The following FAM91A1 variants were observed in gnomAD, a reference collection of about 807,000 sequenced individuals.
FAM91A1 encodes protein FAM91A1.
Under a neutral mutation model 113.5 loss-of-function variants are expected in FAM91A1, and 41 were observed. That is an observed-to-expected ratio of 0.36 (90% CI 0.28 to 0.47). The LOEUF is 0.47. Ranked by LOEUF, FAM91A1 falls within the 20% of genes least tolerant of loss-of-function variation. The pLI is 1.00. For missense variants in FAM91A1, 696 were observed against 1,001.2 expected (o/e 0.70, Z 4.11); for synonymous variants, 307 against 347.9 (o/e 0.88, Z 1.31).
chr8:123,785,099 A>G lies in FAM91A1; in HGVS notation c.829A>G (p.Ile277Val). The change falls in exon 10 of 24, where the codon ATT becomes GTT. Residue 277 changes from isoleucine to valine, a missense_variant. Ile to Val is a conservative substitution (Grantham distance 29). Transcript: ENST00000334705. ...NVAELANVLEIDLSLVKNAVS... is the reference protein window; with the variant it reads ...NVAELANVLEVDLSLVKNAVS... ...CTTCTAGCTTGCAAATGTCCTTGAG[A>G]TTGACTTATCCCTGGTTAAGGTATG... is the stretch of plus-strand genomic sequence containing the variant. 1 of 1,589,768 alleles carries G rather than the reference A, an allele frequency of 6.3e-7. No individual in the cohort carries two copies. Among genetic ancestry groups the G allele is most frequent in the Non-Finnish European group, 8.5e-7 (1 of 1,171,448 alleles).
chr8:123,801,637 A>C (rs1009807121), intron 18 of FAM91A1, among the ~76,000 whole-genome samples: 1 of 152,218 alleles, frequency 6.6e-6, no homozygotes, highest in Non-Finnish European at 1.5e-5. Context: ...ATAGAATTAC[A>C]TATAGTGGAA....
chr8:123,774,630 T>C (rs1814936014), intron 2 of FAM91A1, among the ~76,000 whole-genome samples: 1 of 152,142 alleles, frequency 6.6e-6, no homozygotes, highest in South Asian at 2.1e-4. Flanking sequence ...TTATTTTGGT[T>C]AGTCTATTCT....
At chr8:123,811,032 G>A (rs1428992357) in intron 23 of FAM91A1, 1 of 152,278 alleles carries the variant, frequency 6.6e-6, no homozygotes, top group Non-Finnish European at 1.5e-5. Context: ...AAAGTACTTT[G>A]AAGAAGCCAA....
chr8:123,805,157 G>A, intron 18 of FAM91A1, 110 bp from the exon 19 acceptor site: 1 of 759,742 alleles, frequency 1.3e-6, no homozygotes, highest in Non-Finnish European at 2.1e-6. Flanking sequence ...ATTTTGATGA[G>A]GTATTAATAT....
chr8:123,802,475 A>T (rs543368616), intron 18 of FAM91A1, among the ~76,000 whole-genome samples: 7 of 152,192 alleles, frequency 4.6e-5, no homozygotes, highest in African/African-American at 1.7e-4. Flanking sequence ...ACACGGGAGG[A>T]AGTGATATCA....
intron 12 of FAM91A1, among the ~76,000 whole-genome samples, chr8:123,787,002 C>T (rs764254126): frequency 2.0e-5 from 3 of 152,124 alleles, no homozygotes; most frequent in Admixed American, 6.5e-5. Flanking sequence ...GAAGGAAAGC[C>T]ATTTCAGCCC....
At chr8:123,809,688 C>T (rs1407338681) in intron 22 of FAM91A1, among the ~76,000 whole-genome samples, 1 of 151,992 alleles carries the variant, frequency 6.6e-6, no homozygotes, top group East Asian at 1.9e-4. Flanking sequence ...TGAAGTTGGA[C>T]AATAATTCAT....
chr8:123,787,680 C>T lies in FAM91A1; in HGVS notation c.1208C>T (p.Ala403Val), dbSNP rs991773609. 6.2e-7 allele frequency: 1 copy of T among 1,611,518 alleles called. No individual in the cohort carries two copies. Among genetic ancestry groups the T allele is most frequent in the Non-Finnish European group, 8.5e-7 (1 of 1,179,052 alleles). Residue 403 changes from alanine to valine, a missense_variant, in exon 14 of 24, where the codon GCA becomes GTA. Coordinates refer to ENST00000334705, the MANE Select transcript of FAM91A1 (RefSeq NM_144963.4). ...GNLSPNLKSH[A>V]VTMFEVGKLS... ...TTTTTTCAGAACTTGAAAAGTCATG[C>T]AGTCACAATGTTTGAAGTAGGCAAA...
intron 18 of FAM91A1, 78 bp from the exon 19 acceptor site, chr8:123,805,189 C>T: frequency 2.6e-6 from 3 of 1,144,678 alleles, no homozygotes; most frequent in African/African-American, 1.6e-5. Flanking sequence ...TTACATGACA[C>T]AATCTTATTT....
intron 21 of FAM91A1, 165 bp from the exon 22 acceptor site, chr8:123,808,728 C>A: frequency 3.3e-6 from 2 of 607,472 alleles, no homozygotes; most frequent in Non-Finnish European, 5.4e-6. Flanking sequence ...TAGAGATTAA[C>A]TGACCCCCTT....
intron 18 of FAM91A1, among the ~76,000 whole-genome samples, chr8:123,800,979 A>G (rs998894514): frequency 1.3e-5 from 2 of 152,316 alleles, no homozygotes; most frequent in Non-Finnish European, 2.9e-5. Context: ...GAATGCTGTC[A>G]TAAACATTTG....
At chr8:123,808,861 A>T in intron 21 of FAM91A1, 32 bp from the exon 22 acceptor site, 1 of 1,574,434 alleles carries the variant, frequency 6.4e-7, no homozygotes, top group Non-Finnish European at 8.6e-7. Context: ...GATATATATG[A>T]TAAAAAAATA....
intron 20 of FAM91A1, among the ~76,000 whole-genome samples, chr8:123,808,035 G>C (rs1361117187): frequency 1.3e-5 from 2 of 152,192 alleles, no homozygotes; most frequent in African/African-American, 2.4e-5. Context: ...GGATTGTCCT[G>C]TGTATGGTCA....
intron 13 of FAM91A1, 103 bp downstream of exon 13, chr8:123,787,476 C>T (rs376221052): frequency 1.9e-5 from 20 of 1,052,116 alleles, no homozygotes; most frequent in Admixed American, 9.4e-5. Flanking sequence ...CATTTATTCC[C>T]GAAGCACAAC....
intron 20 of FAM91A1, among the ~76,000 whole-genome samples, chr8:123,806,458 T>G (rs1815815146): frequency 1.3e-5 from 2 of 152,210 alleles, no homozygotes; most frequent in Admixed American, 1.3e-4. Flanking sequence ...TTTTGGGTGC[T>G]CTACTGTCAT....
chr8:123,792,170 G>A (rs1225497878), intron 15 of FAM91A1, among the ~76,000 whole-genome samples: 8 of 151,914 alleles, frequency 5.3e-5, no homozygotes, highest in African/African-American at 1.7e-4. Flanking sequence ...CTGAGACTCC[G>A]TCTCAGAAGA....
At chr8:123,799,405 T>C in intron 16 of FAM91A1, 115 bp from the exon 17 acceptor site, 1 of 869,714 alleles carries the variant, frequency 1.1e-6, no homozygotes, top group Non-Finnish European at 1.7e-6. Context: ...AGTTATTTTC[T>C]TGAGGATAGT....
At chr8:123,784,339 T>G in intron 8 of FAM91A1, 131 bp from the exon 9 acceptor site, 1 of 584,902 alleles carries the variant, frequency 1.7e-6, no homozygotes, top group Non-Finnish European at 2.9e-6. Flanking sequence ...TGCTATGGAG[T>G]GGATAAATAA....
rs201958641 is a variant in FAM91A1, at chr8:123,778,700, A to G, written c.477A>G (p.Ile159Met). The G allele has an allele frequency of 6.6e-5, 107 of 1,610,328 alleles. No homozygotes were observed. In the East Asian group the frequency reaches 1.9e-3, roughly 29 times the overall value. The stretch of plus-strand genomic sequence containing the variant: ...AAACAGCCCGTGATCTTCTACCAAT[A>G]AAGCCAGTGGAAATTGCCATAGAGG... ...RRKTARDLLP[I>M]KPVEIAIEAW... Residue 159 changes from isoleucine (I) to methionine (M), a missense_variant, in exon 6 of 24, where the codon ATA (isoleucine) becomes ATG (methionine). By Grantham distance (10) the Ile-to-Met change is conservative. Coordinates refer to ENST00000334705, the MANE Select transcript of FAM91A1 (RefSeq NM_144963.4).
Sources: gnomAD v4.1 joint callset for allele counts (sites outside exome capture counted in the v4.1 genomes callset) on GRCh38, gnomAD v4.1.1 for gene constraint, MANE v1.5 for transcripts, NCBI Gene and HGNC (gene_info 2026-07-23, HGNC 2026-07-21) for gene names.